CNTN1: variants seen among roughly 807,000 people sequenced by gnomAD.
CNTN1 encodes contactin-1.
In CNTN1, 38 loss-of-function variants were observed where a neutral mutation model predicts 126.4. The observed-to-expected ratio is 0.30, with a 90% CI of 0.23 to 0.39. CNTN1 has a LOEUF of 0.39. Among genes scored for constraint, CNTN1 ranks in the 10% least tolerant of loss-of-function variants. The pLI is 1.00. For synonymous variants in CNTN1, 413 were observed against 422.6 expected (o/e 0.98, Z 0.28); for missense variants, 1,009 against 1,248.4 (o/e 0.81, Z 2.89).
Position 40,779,090 on chromosome 12 carries a change from T to C in CNTN1, c.-77+86498T>C, listed in dbSNP as rs552803391. Among the ~76,000 whole-genome samples the C allele has an allele frequency of 3.9e-5, 6 of 151,950 alleles. No homozygotes were observed. In the East Asian group the frequency reaches 1.2e-3, roughly 29 times the overall value. On this transcript the variant is annotated intron_variant, in intron 1 of 23. Coordinates refer to ENST00000551295, the MANE Select transcript of CNTN1 (RefSeq NM_001843.4). Reference sequence around the variant, plus strand: ...TGTATAATTTTGGGATAGACTTTAGTTTCCACATTTCTGAAAGCAAAATAA... The same window carrying C: ...TGTATAATTTTGGGATAGACTTTAGCTTCCACATTTCTGAAAGCAAAATAA...
At chr12:40,775,042 AATT>A (rs1364289862) in intron 1 of CNTN1, among the ~76,000 whole-genome samples, 1 of 151,366 alleles carries the variant, frequency 6.6e-6, no homozygotes, top group African/African-American at 2.4e-5. Context: ...ATGTACAATA[AATT>A]ATTGTTAATT....
At chr12:40,884,323 C>T (rs1445424255) in intron 1 of CNTN1, among the ~76,000 whole-genome samples, 2 of 151,356 alleles carry the variant, frequency 1.3e-5, no homozygotes, top group Non-Finnish European at 3.0e-5. Context: ...CCTGCATTTT[C>T]ATATAATCCA....
At chr12:40,872,212 T>TTGTG (rs61187240) in intron 1 of CNTN1, among the ~76,000 whole-genome samples, 3,516 of 113,484 alleles carry the variant, frequency 0.031, 54 homozygotes, top group Non-Finnish European at 0.041. Context: ...GTTGCTTTGT[T>TTGTG]TGTGTGTGTG....
chr12:40,994,542 T>C (rs1948167258), intron 17 of CNTN1, among the ~76,000 whole-genome samples: 1 of 152,130 alleles, frequency 6.6e-6, no homozygotes, highest in Non-Finnish European at 1.5e-5. Context: ...TATTTTTGTT[T>C]TTAAAGAAAG....
chr12:40,766,267 G>A (rs1236950097), intron 1 of CNTN1, among the ~76,000 whole-genome samples: 1 of 151,328 alleles, frequency 6.6e-6, no homozygotes, highest in Non-Finnish European at 1.5e-5. Flanking sequence ...TGAGGCAGGA[G>A]AGTCACTTGA....
chr12:40,874,893 G>T (rs903507745), intron 1 of CNTN1, among the ~76,000 whole-genome samples: 3 of 152,110 alleles, frequency 2.0e-5, no homozygotes, highest in African/African-American at 7.2e-5. Context: ...CTCATAGGAA[G>T]AACTATTATT....
At chr12:40,872,102 A>C (rs1943518761) in intron 1 of CNTN1, among the ~76,000 whole-genome samples, 1 of 152,086 alleles carries the variant, frequency 6.6e-6, no homozygotes, top group Admixed American at 6.6e-5. Context: ...GTAGGAGAAA[A>C]TTGAGCTATT....
intron 1 of CNTN1, among the ~76,000 whole-genome samples, chr12:40,854,234 T>A (rs1439160645): frequency 6.6e-6 from 1 of 151,928 alleles, no homozygotes; most frequent in Non-Finnish European, 1.5e-5. Context: ...TTGTCATACA[T>A]GTTAACAGGG....
intron 1 of CNTN1, among the ~76,000 whole-genome samples, chr12:40,771,968 A>G (rs1333712756): frequency 6.6e-6 from 1 of 151,982 alleles, no homozygotes; most frequent in Admixed American, 6.6e-5. Flanking sequence ...TTAGAATCTA[A>G]GTCTCCAGGG....
At position 40,925,800 on chromosome 12, in the gene CNTN1, T is replaced by TTATATATATATATATA. The variant is rs370971706; in HGVS notation, c.496+1162_496+1177dup. 1.9e-3 allele frequency among the ~76,000 whole-genome samples: 227 copies of TTATATATATATATATA among 116,476 alleles called. 1 individual carries two copies. Among genetic ancestry groups the TTATATATATATATATA allele is most frequent in the African/African-American group, 7.2e-3 (205 of 28,536 alleles). The allele number at this position is 116,476 out of a possible 152,430, so 76.4% of individuals were successfully genotyped here. ...CCTTTTTCTTAAGGAACTATTGAAA[T>TTATATATATATATATA]TATATATATATATATATATATATAT... On this transcript the variant is annotated intron_variant, in intron 6 of 23. Coordinates refer to ENST00000551295, the MANE Select transcript of CNTN1 (RefSeq NM_001843.4).
intron 1 of CNTN1, among the ~76,000 whole-genome samples, chr12:40,907,862 A>T (rs1944888015): frequency 6.6e-6 from 1 of 152,246 alleles, no homozygotes; most frequent in African/African-American, 2.4e-5. Flanking sequence ...CTAACAGAAA[A>T]TGCTAACATC....
intron 1 of CNTN1, among the ~76,000 whole-genome samples, chr12:40,744,472 G>A (rs1338611785): frequency 1.3e-5 from 2 of 151,996 alleles, no homozygotes; most frequent in Non-Finnish European, 2.9e-5. Context: ...TTTGCGCTGA[G>A]GTTTTCTAGC....
intron 23 of CNTN1, among the ~76,000 whole-genome samples, chr12:41,050,570 C>T (rs774900689): frequency 1.3e-5 from 2 of 152,172 alleles, no homozygotes; most frequent in Non-Finnish European, 2.9e-5. Flanking sequence ...GTCCCTCCCC[C>T]AACACTGGGG....
At chr12:40,814,818 C>G (rs1941205424) in intron 1 of CNTN1, among the ~76,000 whole-genome samples, 1 of 152,118 alleles carries the variant, frequency 6.6e-6, no homozygotes, top group Admixed American at 6.6e-5. Context: ...ATTGATTCTG[C>G]CTATCCATGA....
At chr12:40,785,787 G>A (rs79329964) in intron 1 of CNTN1, among the ~76,000 whole-genome samples, 8,143 of 152,218 alleles carry the variant, frequency 0.053, 301 homozygotes, top group Admixed American at 0.078. Context: ...GGATGGCTTA[G>A]CTTGGGCTCA....
intron 15 of CNTN1, among the ~76,000 whole-genome samples, chr12:40,966,464 G>T (rs542978708): frequency 6.6e-6 from 1 of 151,874 alleles, no homozygotes; most frequent in Non-Finnish European, 1.5e-5. Context: ...AAAGAAATAC[G>T]ACTGGGCTGG....
rs570274163 is a variant in CNTN1, at chr12:41,025,246, G to A, written c.2620G>A (p.Asp874Asn). The change falls in exon 21 of 24, where the codon GAC becomes AAC. Residue 874 changes from aspartate to asparagine, a missense_variant. Coordinates refer to ENST00000551295, the MANE Select transcript of CNTN1 (RefSeq NM_001843.4). ...YSARLENLLP[D>N]TQYFIEVGAC... ...GGCCAGGCTCGAGAACCTTCTGCCA[G>A]ACACCCAGTATTTTATAGAAGTCGG... The A allele has an allele frequency of 1.9e-6, 3 of 1,614,006 alleles. No individual in the cohort carries two copies. In the East Asian group the frequency reaches 6.7e-5, roughly 36 times the overall value.
At chr12:40,832,378 C>T (rs1941874405) in intron 1 of CNTN1, among the ~76,000 whole-genome samples, 1 of 152,176 alleles carries the variant, frequency 6.6e-6, no homozygotes, top group African/African-American at 2.4e-5. Flanking sequence ...TAGAGCAACA[C>T]ATTACCTTTT....
chr12:40,804,413 G>T (rs1051006673), intron 1 of CNTN1, among the ~76,000 whole-genome samples: 3 of 151,754 alleles, frequency 2.0e-5, no homozygotes, highest in Non-Finnish European at 2.9e-5. Flanking sequence ...TTGCCATTTC[G>T]CAGTTGTTGT....
Sources: gnomAD v4.1 joint callset for allele counts (sites outside exome capture counted in the v4.1 genomes callset) on GRCh38, gnomAD v4.1.1 for gene constraint, MANE v1.5 for transcripts, NCBI Gene and HGNC (gene_info 2026-07-23, HGNC 2026-07-21) for gene names.